Variants in PLS3 observed in about 807,000 individuals in gnomAD.
The protein encoded by PLS3 is plastin-3.
In PLS3, 11 loss-of-function variants were observed where a neutral mutation model predicts 46.5. The observed-to-expected ratio is 0.24, with a 90% confidence interval of 0.15 to 0.39. The LOEUF is 0.39. Among genes scored for constraint, PLS3 ranks in the 10% least tolerant of loss-of-function variants. PLS3 has a pLI of 1.00. For missense variants in PLS3, 308 were observed against 461.8 expected (o/e 0.67, Z 3.05); for synonymous variants, 167 against 162.2 (o/e 1.03, Z -0.22).
chrX:115,589,531 G>A (rs1410956676), intron 1 of PLS3, among the ~76,000 whole-genome samples: 2 of 111,090 alleles, frequency 1.8e-5, no homozygotes, highest in Admixed American at 9.6e-5. Flanking sequence ...TTGTTTGTTC[G>A]CTTTGTTTTT....
chrX:115,574,583 C>CT (rs1156467493), intron 1 of PLS3, among the ~76,000 whole-genome samples: 342 of 104,799 alleles, frequency 3.3e-3, no homozygotes, highest in African/African-American at 7.8e-3. Context: ...TAATATCATA[C>CT]TTTTTTTTTT....
intron 5 of PLS3, among the ~76,000 whole-genome samples, chrX:115,633,035 G>A (rs1473114761): frequency 9.2e-6 from 1 of 108,987 alleles, no homozygotes; most frequent in Non-Finnish European, 1.9e-5. Flanking sequence ...ACTGTACCTG[G>A]CCCAAGTTTT....
chrX:115,575,744 C>CT (rs200676024), intron 1 of PLS3, among the ~76,000 whole-genome samples: 3,207 of 111,679 alleles, frequency 0.029, 114 homozygotes, highest in African/African-American at 0.098. Context: ...CGCCTGGCCT[C>CT]TATCTAAGTT....
chrX:115,636,709 A>C (rs2074840744), intron 7 of PLS3, 127 bp from the exon 8 acceptor site: 1 of 485,990 alleles, frequency 2.1e-6, no homozygotes. Context: ...AGTATCTTGA[A>C]ACTAGGAACT....
intron 1 of PLS3, among the ~76,000 whole-genome samples, chrX:115,563,612 C>T (rs1325353287): frequency 8.9e-6 from 1 of 111,917 alleles, no homozygotes; most frequent in Non-Finnish European, 1.9e-5. Flanking sequence ...ACAACTAGGG[C>T]AGAAGATATT....
Position 115,636,293 on chromosome X carries a change from A to G in PLS3, c.749-543A>G, listed in dbSNP as rs372501365. ...GCGATCTTAGCTCACTGCAAGCTCC[A>G]CCTCCCGGGTTCACGCCATTCTCCT... On this transcript the variant is annotated intron_variant, in intron 7 of 15. Coordinates refer to ENST00000355899, the MANE Select transcript of PLS3 (RefSeq NM_005032.7). Among the ~76,000 whole-genome samples the G allele has an allele frequency of 4.1e-3, 386 of 95,277 alleles. 4 individuals carry two copies. The highest frequency in any genetic ancestry group is 0.014 in the African/African-American group (344 of 24,668). The allele number at this position is 95,277 out of a possible 115,157, so 82.7% of individuals were successfully genotyped here.
intron 1 of PLS3, among the ~76,000 whole-genome samples, chrX:115,592,101 A>G (rs1556633203): frequency 8.9e-6 from 1 of 111,908 alleles, no homozygotes; most frequent in Non-Finnish European, 1.9e-5. Flanking sequence ...AGGTGCCCAC[A>G]CTGTGAGTCA....
At chrX:115,607,986 T>A (rs183375594) in intron 1 of PLS3, among the ~76,000 whole-genome samples, 61 of 111,854 alleles carry the variant, frequency 5.5e-4, no homozygotes, top group African/African-American at 1.9e-3. Flanking sequence ...TTAGAATATT[T>A]AGCTCATAGG....
chrX:115,608,359 C>T (rs1556635665), intron 1 of PLS3, among the ~76,000 whole-genome samples: 1 of 112,043 alleles, frequency 8.9e-6, no homozygotes. Flanking sequence ...TGAAATTTAA[C>T]CCGTAGTATA....
intron 2 of PLS3, among the ~76,000 whole-genome samples, chrX:115,611,906 T>C (rs781828527): frequency 2.8e-4 from 31 of 111,538 alleles, no homozygotes; most frequent in Non-Finnish European, 5.3e-4. Context: ...GAAAAGGTCA[T>C]TGTGGAGCTA....
intron 3 of PLS3, among the ~76,000 whole-genome samples, chrX:115,626,103 A>ACAGTAG (rs781955715): frequency 9.0e-6 from 1 of 111,578 alleles, no homozygotes; most frequent in Non-Finnish European, 1.9e-5. Flanking sequence ...AGACTCCAGC[A>ACAGTAG]CAGTAGTCAG....
At chrX:115,643,272 A>T in intron 9 of PLS3, 41 bp from the exon 10 acceptor site, 1 of 898,472 alleles carries the variant, frequency 1.1e-6, no homozygotes, top group Non-Finnish European at 1.6e-6. Context: ...CTATATTTTT[A>T]GTGTGGCCTT....
intron 1 of PLS3, among the ~76,000 whole-genome samples, chrX:115,606,174 T>C (rs1603231470): frequency 2.8e-5 from 2 of 72,074 alleles, no homozygotes; most frequent in Non-Finnish European, 5.0e-5. Context: ...TCTTTTTTTT[T>C]TTTTTTTTTT....
At chrX:115,595,687 C>CTT (rs35860715) in intron 1 of PLS3, among the ~76,000 whole-genome samples, 55 of 82,947 alleles carry the variant, frequency 6.6e-4, no homozygotes, top group Non-Finnish European at 7.8e-4. Context: ...TATTTTCTTT[C>CTT]TTTTTTTTTT....
chrX:115,622,459 T>C lies in PLS3; in HGVS notation c.237+50T>C, dbSNP rs781979508. On this transcript the variant is annotated intron_variant, in intron 3 of 15. Coordinates refer to ENST00000355899, the MANE Select transcript of PLS3 (RefSeq NM_005032.7). ...ATTAGAAGTAGTAGATGTTCCCTCG[T>C]CTAGTGGGATGTTATAGTATTAAGT... The C allele has an allele frequency of 1.1e-5, 9 of 796,799 alleles. No homozygotes were observed. In the South Asian group the frequency reaches 2.2e-4, roughly 19 times the overall value. 65.7% of individuals were successfully genotyped at this position (796,799 alleles called of 1,213,427 possible).
intron 1 of PLS3, among the ~76,000 whole-genome samples, chrX:115,579,493 A>G (rs1556631618): frequency 8.9e-6 from 1 of 111,789 alleles, no homozygotes; most frequent in African/African-American, 3.3e-5. Context: ...GTTTGCCCAG[A>G]GTGACTGTAC....
At chrX:115,621,078 A>G (rs782324105) in intron 2 of PLS3, among the ~76,000 whole-genome samples, 1 of 109,176 alleles carries the variant, frequency 9.2e-6, no homozygotes, top group East Asian at 2.9e-4. Context: ...CACTGGTACT[A>G]TCTTGGCTCA....
chrX:115,611,767 A>G (rs1473532673), intron 2 of PLS3, among the ~76,000 whole-genome samples: 1 of 111,847 alleles, frequency 8.9e-6, no homozygotes, highest in Non-Finnish European at 1.9e-5. Flanking sequence ...CTTGGAATAC[A>G]TTTGACGAGT....
intron 3 of PLS3, among the ~76,000 whole-genome samples, chrX:115,626,942 G>C (rs376758300): frequency 9.2e-6 from 1 of 108,571 alleles, no homozygotes; most frequent in African/African-American, 3.4e-5. Context: ...TCCATCTCCC[G>C]GGTTCAAGTG....
Sources: allele counts gnomAD v4.1 joint callset (sites outside exome capture counted in the v4.1 genomes callset), GRCh38; gene constraint gnomAD v4.1.1; transcripts MANE v1.5; gene names NCBI Gene and HGNC (gene_info 2026-07-23, HGNC 2026-07-21).